The following SPMIP3 variants were observed in gnomAD, a reference collection of about 807,000 sequenced individuals.
SPMIP3 encodes sperm microtubule inner protein 3.
At chr1:244,386,528 C>A in the SPMIP3 span, among the ~76,000 whole-genome samples, 1 of 152,202 alleles carries the variant, frequency 6.6e-6, no homozygotes, top group Non-Finnish European at 1.5e-5. Context: ...CCCCATCGTA[C>A]AGCCTGCAAG....
the SPMIP3 span, among the ~76,000 whole-genome samples, chr1:244,359,226 T>C: frequency 6.6e-6 from 1 of 151,246 alleles, no homozygotes; most frequent in Non-Finnish European, 1.5e-5. Flanking sequence ...CCAGACAAGG[T>C]CCTCTGATTA....
chr1:244,387,103 G>C, the SPMIP3 span, among the ~76,000 whole-genome samples: 5 of 152,330 alleles, frequency 3.3e-5, no homozygotes, highest in South Asian at 4.1e-4. Context: ...AGGAGTTCGA[G>C]ACTAGCCTGG....
At chr1:244,380,749 G>T in the SPMIP3 span, among the ~76,000 whole-genome samples, 1 of 151,962 alleles carries the variant, frequency 6.6e-6, no homozygotes, top group African/African-American at 2.4e-5. Flanking sequence ...TTAAAATATG[G>T]AATGCCAAAG....
chr1:244,374,260 C>T, the SPMIP3 span, among the ~76,000 whole-genome samples: 1 of 152,104 alleles, frequency 6.6e-6, no homozygotes, highest in Non-Finnish European at 1.5e-5. Context: ...CTTACGTTCA[C>T]CCCACAGAAG....
At chr1:244,354,442 C>T in the SPMIP3 span, among the ~76,000 whole-genome samples, 59,988 of 150,102 alleles carry the variant, frequency 0.4, 12,557 homozygotes, top group Middle Eastern at 0.5. Context: ...CTGAAGCTTC[C>T]ACCTCCTGGT....
At chr1:244,377,344 T>C in the SPMIP3 span, among the ~76,000 whole-genome samples, 14 of 151,394 alleles carry the variant, frequency 9.2e-5, no homozygotes, top group South Asian at 1.1e-3. Context: ...CAGGATGGTC[T>C]CGATCTGACT....
the SPMIP3 span, among the ~76,000 whole-genome samples, chr1:244,369,479 A>G: frequency 1.3e-5 from 2 of 152,204 alleles, no homozygotes; most frequent in Non-Finnish European, 2.9e-5. Context: ...CCCGTGGTTC[A>G]TTGCCACACG....
chr1:244,388,589 G>GA, the SPMIP3 span, among the ~76,000 whole-genome samples: 2 of 151,838 alleles, frequency 1.3e-5, no homozygotes, highest in Admixed American at 6.6e-5. Flanking sequence ...AGAAACCTCT[G>GA]AAAAAAGAGA....
At chr1:244,354,178 T>C in the SPMIP3 span, among the ~76,000 whole-genome samples, 2 of 74,410 alleles carry the variant, frequency 2.7e-5, no homozygotes, top group Non-Finnish European at 3.2e-5. Context: ...TCTTACCAGA[T>C]ACATAACATC....
the SPMIP3 span, chr1:244,376,552 A>G: frequency 1.3e-5 from 2 of 152,194 alleles, no homozygotes; most frequent in African/African-American, 4.8e-5. Flanking sequence ...ATTACCCACA[A>G]TATCATCACC....
chr1:244,364,819 T>G, the SPMIP3 span: 42 of 1,519,322 alleles, frequency 2.8e-5, 1 homozygote, highest in South Asian at 4.3e-4. Context: ...GCCTGGGGAG[T>G]TAGAATTGCA....
chr1:244,365,892 G>T, the SPMIP3 span, among the ~76,000 whole-genome samples: 2 of 152,168 alleles, frequency 1.3e-5, no homozygotes, highest in Admixed American at 6.5e-5. Context: ...TCTGATGAGA[G>T]CTGACGGCAC....
the SPMIP3 span, among the ~76,000 whole-genome samples, chr1:244,364,911 G>A: frequency 2.0e-5 from 3 of 152,186 alleles, no homozygotes; most frequent in African/African-American, 7.2e-5. Flanking sequence ...GAGCAGGTCT[G>A]TGCAAACCTA....
the SPMIP3 span, among the ~76,000 whole-genome samples, chr1:244,387,545 T>C: frequency 3.3e-5 from 5 of 152,284 alleles, no homozygotes; most frequent in East Asian, 1.9e-4. Context: ...GACCAGTAGA[T>C]TTTGAGTTCT....
the SPMIP3 span, among the ~76,000 whole-genome samples, chr1:244,366,128 C>T: frequency 6.6e-6 from 1 of 152,054 alleles, no homozygotes; most frequent in Non-Finnish European, 1.5e-5. Flanking sequence ...CTCCTGTAGC[C>T]CCGTTGGCTT....
the SPMIP3 span, among the ~76,000 whole-genome samples, chr1:244,369,701 T>C: frequency 6.6e-6 from 1 of 152,170 alleles, no homozygotes; most frequent in African/African-American, 2.4e-5. Flanking sequence ...GGTGTGCCAT[T>C]TGCATAACGT....
At chr1:244,361,235 C>CTTTCTTTTTTTTTTTTTTTT in the SPMIP3 span, among the ~76,000 whole-genome samples, 1 of 119,312 alleles carries the variant, frequency 8.4e-6, no homozygotes, top group African/African-American at 3.0e-5. Context: ...TTCTTTCTTT[C>CTTTCTTTTTTTTTTTTTTTT]TTTTTTTTTT....
At chr1:244,365,518 G>A in the SPMIP3 span, among the ~76,000 whole-genome samples, 3 of 152,170 alleles carry the variant, frequency 2.0e-5, no homozygotes, top group Non-Finnish European at 2.9e-5. Flanking sequence ...CCCCAGCCGT[G>A]TGGAACTGTG....
At chr1:244,372,631 G>T in the SPMIP3 span, among the ~76,000 whole-genome samples, 5 of 152,072 alleles carry the variant, frequency 3.3e-5, no homozygotes, top group Admixed American at 2.6e-4. Context: ...TTTTAGTAGA[G>T]ACTGGGTTTC....
Sources: gnomAD v4.1 joint callset for allele counts (sites outside exome capture counted in the v4.1 genomes callset) on GRCh38, gnomAD v4.1.1 for gene constraint, MANE v1.5 for transcripts, NCBI Gene and HGNC (gene_info 2026-07-23, HGNC 2026-07-21) for gene names.